CKMT1A: variants seen among roughly 807,000 people sequenced by gnomAD.
The protein encoded by CKMT1A is creatine kinase, mitochondrial 1A.
Under a neutral mutation model 21.8 loss-of-function variants are expected in CKMT1A, and 23 were observed. The ratio of observed to expected loss-of-function variants is 1.05; its 90% confidence interval spans 0.76 to 1.49. The LOEUF (loss-of-function observed/expected upper bound fraction) is 1.49, where lower values mean the gene tolerates loss of function less well. CKMT1A is among the 40% of genes most tolerant of loss of function. The pLI, the probability that CKMT1A is intolerant of heterozygous loss-of-function variation, is 0.00. For missense variants in CKMT1A, 154 were observed against 229.4 expected (o/e 0.67, Z 2.12); for synonymous variants, 67 against 80.4 (o/e 0.83, Z 0.89).
Position 43,697,153 on chromosome 15 carries a change from T to G in CKMT1A, c.876+790T>G, listed in dbSNP as rs577101880. On this transcript the variant is annotated intron_variant, in intron 6 of 8. Transcript: ENST00000413453. Reference sequence around the variant, plus strand: ...TACCTTTAAATTATATGCCTCAGTTTCCTCATCTGTAAAATTGGGATAATG... The same window carrying G: ...TACCTTTAAATTATATGCCTCAGTTGCCTCATCTGTAAAATTGGGATAATG... The G allele has an allele frequency of 9.7e-5, 101 of 1,046,196 alleles. No individual in the cohort carries two copies. In the South Asian group the frequency reaches 1.4e-3, roughly 15 times the overall value. The allele number at this position is 1,046,196 out of a possible 1,614,324, so 64.8% of individuals were successfully genotyped here. A position where few individuals can be genotyped will look rare whatever the true frequency, so the allele number is the denominator to read the frequency against.
intron 6 of CKMT1A, 192 bp downstream of exon 6, chr15:43,696,555 A>G (rs1352600537): frequency 6.0e-6 from 5 of 835,732 alleles, no homozygotes; most frequent in East Asian, 5.3e-5. Flanking sequence ...ACATGTGGTC[A>G]CACTAAGATT....
intron 4 of CKMT1A, 27 bp from the exon 5 acceptor site, chr15:43,696,012 T>C: frequency 2.3e-6 from 1 of 438,898 alleles, no homozygotes; most frequent in Non-Finnish European, 3.8e-6. Flanking sequence ...TGAAGATTCT[T>C]AACCCAAGTC....
chr15:43,696,737 A>G, intron 6 of CKMT1A: 1 of 264,892 alleles, frequency 3.8e-6, no homozygotes, highest in Non-Finnish European at 7.4e-6. Context: ...TGCTGTGTTC[A>G]TGACTCTAAT....
chr15:43,699,146 T>C lies in CKMT1A; in HGVS notation c.*57T>C. ...CAAGGAGTTCTGCTCATTCTAATGATGGCCCATTCTACTTGCTCTGGACCT... is the reference window on the plus strand; with the variant it reads ...CAAGGAGTTCTGCTCATTCTAATGACGGCCCATTCTACTTGCTCTGGACCT... On this transcript the variant is annotated 3_prime_UTR_variant, in exon 9 of 9. Transcript: ENST00000413453. 6.2e-7 allele frequency: 1 copy of C among 1,612,904 alleles called. No homozygotes were observed. Among genetic ancestry groups the C allele is most frequent in the Admixed American group, 1.7e-5 (1 of 59,938 alleles).
Position 43,698,046 on chromosome 15 carries a change from G to A in CKMT1A, c.909G>A (p.Glu303=). ...GACTTATCCAAGAACGTGGCTGGGAGTTCATGTGGAATGAGCGTTTGGGAT... is the reference window on the plus strand; with the variant it reads ...GACTTATCCAAGAACGTGGCTGGGAATTCATGTGGAATGAGCGTTTGGGAT... ...VERLIQERGW[E]FMWNERLGYI... is the part of the protein sequence containing the mutation. Residue 303 remains glutamate, a synonymous_variant, in exon 7 of 9, where the codon GAG becomes GAA. Coordinates refer to ENST00000413453, the MANE Select transcript of CKMT1A (RefSeq NM_001321926.2). 1 of 1,613,506 alleles carries A rather than the reference G, an allele frequency of 6.2e-7. No homozygotes were observed.
intron 7 of CKMT1A, among the ~76,000 whole-genome samples, 173 bp downstream of exon 7, chr15:43,698,321 G>T (rs1357732065): frequency 6.6e-6 from 1 of 151,856 alleles, no homozygotes; most frequent in African/African-American, 2.4e-5. Flanking sequence ...GCCAAGGCAG[G>T]CAGATCATTT....
At chr15:43,697,476 T>A (rs3866944) in intron 6 of CKMT1A, 1 of 984,442 alleles carries the variant, frequency 1.0e-6, no homozygotes, top group African/African-American at 1.7e-5. Context: ...GGAAGCAAAA[T>A]GCCTTCCCCC....
rs1239924080 is a variant in CKMT1A, at chr15:43,698,640, G to A, written c.1012-1G>A. 5 of 1,612,464 alleles carry A rather than the reference G, an allele frequency of 3.1e-6. 1 individual carries two copies. The South Asian group carries it at 3.3e-5, about 11-fold the overall frequency. On this transcript the variant is annotated splice_acceptor_variant, in intron 7 of 8. Transcript: ENST00000413453. LOFTEE classifies it high-confidence loss of function. ...GCTCCCAATCCCTATCTCCTCTCTA[G>A]GATAGCCGCTTCCCAAAGATCCTGG...
intron 6 of CKMT1A, chr15:43,696,832 G>A (rs2086454398): frequency 3.6e-6 from 1 of 277,024 alleles, no homozygotes; most frequent in African/African-American, 2.2e-5. Context: ...GCTTTAAGTT[G>A]AGAGTTCAGA....
In CKMT1A at chr15:43,698,767, G is replaced by A. The variant is rs1358326889; in HGVS notation, c.1137+1G>A. ...TTTGGACCGACTAGGCAAATCAGAG[G>A]TGAGATCCTAAGGGATTAGGATGAG... On this transcript the variant is annotated splice_donor_variant, in intron 8 of 8. Coordinates refer to ENST00000413453, the MANE Select transcript of CKMT1A (RefSeq NM_001321926.2). LOFTEE classifies it high-confidence loss of function. 1.2e-6 allele frequency: 2 copies of A among 1,613,728 alleles called. No homozygotes were observed. The highest frequency in any genetic ancestry group is 1.7e-6 in the Non-Finnish European group (2 of 1,179,870).
chr15:43,697,532 T>C, intron 6 of CKMT1A: 1 of 984,842 alleles, frequency 1.0e-6, no homozygotes, highest in South Asian at 4.7e-5. Flanking sequence ...TGTTTTCATC[T>C]TTCTCTGCAT....
intron 6 of CKMT1A, 57 bp from the exon 7 acceptor site, chr15:43,697,957 G>T: frequency 6.2e-7 from 1 of 1,611,354 alleles, no homozygotes; most frequent in East Asian, 2.2e-5. Context: ...CTAAGGGAGG[G>T]TCCAGGGTTA....
chr15:43,697,822 A>G (rs1267162769), intron 6 of CKMT1A, 192 bp from the exon 7 acceptor site: 4 of 981,982 alleles, frequency 4.1e-6, no homozygotes, highest in Non-Finnish European at 4.8e-6. Context: ...TATGCACATC[A>G]TAATTTTGCA....
intron 6 of CKMT1A, chr15:43,697,545 A>G (rs2086466522): frequency 2.0e-6 from 2 of 984,758 alleles, no homozygotes; most frequent in Non-Finnish European, 1.2e-6. Context: ...CTCTGCATTC[A>G]CACAGGTGCT....
rs774720728 is a variant in CKMT1A, at chr15:43,698,979, C to G, written c.1144C>G (p.Leu382Val). The change falls in exon 9 of 9, where the codon CTG (leucine) becomes GTG (valine). Residue 382 changes from leucine to valine, a missense_variant. By Grantham distance (32) the Leu-to-Val change is conservative (BLOSUM62 1). Transcript: ENST00000413453. ...LDRLGKSEVE[L>V]VQLVIDGVNY... is the part of the protein sequence containing the mutation. Reference sequence around the variant, plus strand: ...AAAGATTAGTGTCCTTCAGGTGGAGCTGGTGCAACTGGTCATCGATGGAGT... The same window carrying G: ...AAAGATTAGTGTCCTTCAGGTGGAGGTGGTGCAACTGGTCATCGATGGAGT... 6 of 1,613,394 alleles carry G rather than the reference C, an allele frequency of 3.7e-6. No homozygotes were observed. In the Admixed American group the frequency reaches 8.3e-5, roughly 22 times the overall value.
In CKMT1A at chr15:43,698,953, C is replaced by G; in HGVS notation, c.1138-20C>G. The G allele has an allele frequency of 1.9e-6, 3 of 1,613,342 alleles. No homozygotes were observed. The highest frequency in any genetic ancestry group is 1.1e-5 in the South Asian group (1 of 91,038). ...AACTCAGACTGTAGGAAGCAGAGAT[C>G]AAAGATTAGTGTCCTTCAGGTGGAG... On this transcript the variant is annotated intron_variant, in intron 8 of 8. Coordinates refer to ENST00000413453, the MANE Select transcript of CKMT1A (RefSeq NM_001321926.2).
intron 6 of CKMT1A, chr15:43,697,197 G>C (rs1315492756): frequency 1.6e-6 from 2 of 1,219,718 alleles, no homozygotes; most frequent in Admixed American, 5.6e-5. Context: ...TACATTTTAG[G>C]TTGTTGTGGG....
chr15:43,698,933 A>G, intron 8 of CKMT1A, 40 bp from the exon 9 acceptor site: 1 of 1,612,088 alleles, frequency 6.2e-7, no homozygotes, highest in Non-Finnish European at 8.5e-7. Context: ...AGAAAAACTC[A>G]GACTGTAGGA....
chr15:43,697,455 A>G (rs1214082734), intron 6 of CKMT1A: 3 of 984,768 alleles, frequency 3.0e-6, no homozygotes, highest in African/African-American at 3.5e-5. Flanking sequence ...CTTCATGACT[A>G]CATGGTTAAT....
Sources: gnomAD v4.1 joint callset for allele counts (sites outside exome capture counted in the v4.1 genomes callset) on GRCh38, gnomAD v4.1.1 for gene constraint, MANE v1.5 for transcripts, NCBI Gene and HGNC (gene_info 2026-07-23, HGNC 2026-07-21) for gene names.